Variants in GRIA1 observed in about 807,000 individuals in gnomAD.
The protein encoded by GRIA1 is glutamate receptor 1.
In GRIA1, 31 loss-of-function variants were observed where a neutral mutation model predicts 99.2. The observed-to-expected ratio is 0.31, with a 90% CI of 0.23 to 0.42. GRIA1 has a LOEUF of 0.42. Ranked by LOEUF, GRIA1 falls within the 10% of genes least tolerant of loss-of-function variation. GRIA1 has a pLI of 1.00. For synonymous variants in GRIA1, 438 were observed against 432.4 expected, an observed-to-expected ratio of 1.01 and a Z score of -0.16; for missense variants, 782 against 1,157.5, an observed-to-expected ratio of 0.68 and a Z score of 4.71.
intron 10 of GRIA1, among the ~76,000 whole-genome samples, chr5:153,700,228 T>C (rs1159559961): frequency 1.3e-5 from 2 of 151,930 alleles, no homozygotes; most frequent in East Asian, 3.9e-4. Context: ...CTACCAAAAA[T>C]ACAAAAATTA....
rs113735488 is a variant in GRIA1, at chr5:153,735,969, G to A, written c.1824-28465G>A. On this transcript the variant is annotated intron_variant, in intron 11 of 15. Coordinates refer to ENST00000285900, the MANE Select transcript of GRIA1 (RefSeq NM_000827.4). ...GACATACAAAAGGCAATATGGAACA[G>A]GCTCATGAGTCTGGAGGTGAGGGAG... is the stretch of plus-strand genomic sequence containing the variant. Among the ~76,000 whole-genome samples, 1,082 of 152,294 alleles carry A rather than the reference G, an allele frequency of 7.1e-3. 5 individuals are homozygous for A. The highest frequency in any genetic ancestry group is 9.7e-3 in the Admixed American group (148 of 15,304).
chr5:153,694,216 G>A (rs916081764), intron 8 of GRIA1, among the ~76,000 whole-genome samples: 1 of 151,922 alleles, frequency 6.6e-6, no homozygotes, highest in African/African-American at 2.4e-5. Context: ...TAAAAATTAA[G>A]GTATCTTTCT....
At chr5:153,533,386 G>A (rs1758260150) in intron 2 of GRIA1, among the ~76,000 whole-genome samples, 1 of 151,988 alleles carries the variant, frequency 6.6e-6, no homozygotes, top group Non-Finnish European at 1.5e-5. Flanking sequence ...GGAGGCTTCT[G>A]AGGGACTGAG....
intron 5 of GRIA1, among the ~76,000 whole-genome samples, chr5:153,668,577 C>T (rs1755918666): frequency 6.6e-6 from 1 of 152,102 alleles, no homozygotes; most frequent in African/African-American, 2.4e-5. Context: ...GCTGCAATGG[C>T]AGAGCTGACT....
intron 11 of GRIA1, among the ~76,000 whole-genome samples, chr5:153,762,292 T>C (rs1763237186): frequency 6.6e-6 from 1 of 152,198 alleles, no homozygotes; most frequent in African/African-American, 2.4e-5. Flanking sequence ...TATCTACAAT[T>C]TTTATGTGTC....
At chr5:153,512,199 C>T (rs1756157525) in intron 2 of GRIA1, among the ~76,000 whole-genome samples, 1 of 151,928 alleles carries the variant, frequency 6.6e-6, no homozygotes, top group Admixed American at 6.6e-5. Context: ...TAATTTTGCC[C>T]CAGGCCTTTA....
intron 2 of GRIA1, among the ~76,000 whole-genome samples, chr5:153,541,806 T>C (rs1220020719): frequency 6.6e-6 from 1 of 151,740 alleles, no homozygotes; most frequent in Non-Finnish European, 1.5e-5. Flanking sequence ...GGCCCACACC[T>C]GTAGTCTCAG....
At chr5:153,671,483 G>A (rs977260450) in intron 5 of GRIA1, among the ~76,000 whole-genome samples, 1 of 152,132 alleles carries the variant, frequency 6.6e-6, no homozygotes, top group African/African-American at 2.4e-5. Flanking sequence ...ATGCATATTG[G>A]GTACAGGAAC....
intron 11 of GRIA1, among the ~76,000 whole-genome samples, chr5:153,735,691 G>C (rs1479159819): frequency 6.6e-6 from 1 of 152,254 alleles, no homozygotes; most frequent in Middle Eastern, 3.4e-3. Context: ...TTTGGATGGG[G>C]TGACTGCTGT....
At position 153,773,515 on chromosome 5, in the gene GRIA1, C is replaced by T. The variant is rs116576351; in HGVS notation, c.2270+3100C>T. ...GATAATGGACACTGACTTTAACACACCCAGCACCATTCCTTTGAGGAGTAA... is the reference window on the plus strand; with the variant it reads ...GATAATGGACACTGACTTTAACACATCCAGCACCATTCCTTTGAGGAGTAA... On this transcript the variant is annotated intron_variant, in intron 13 of 15. Coordinates refer to ENST00000285900, the MANE Select transcript of GRIA1 (RefSeq NM_000827.4). 3.7e-3 allele frequency among the ~76,000 whole-genome samples: 568 copies of T among 152,320 alleles called. 3 individuals carry two copies. Among genetic ancestry groups the T allele is most frequent in the African/African-American group, 0.013 (535 of 41,574 alleles).
At chr5:153,635,589 G>A (rs1244186268) in intron 2 of GRIA1, among the ~76,000 whole-genome samples, 1 of 152,126 alleles carries the variant, frequency 6.6e-6, no homozygotes, top group Non-Finnish European at 1.5e-5. Context: ...CTTTACTGTG[G>A]CCCCTGAACC....
At chr5:153,494,239 T>G (rs1472085707) in intron 2 of GRIA1, 174 bp downstream of exon 2, 1 of 624,210 alleles carries the variant, frequency 1.6e-6, no homozygotes, top group Non-Finnish European at 2.8e-6. Flanking sequence ...CAGTTGGCAT[T>G]TTAGCCCCTG....
chr5:153,546,501 T>C (rs1204888989), intron 2 of GRIA1, among the ~76,000 whole-genome samples: 1 of 152,184 alleles, frequency 6.6e-6, no homozygotes, highest in Non-Finnish European at 1.5e-5. Flanking sequence ...TATAATGTAA[T>C]GGTCATTAGC....
At chr5:153,556,633 T>C (rs562624251) in intron 2 of GRIA1, among the ~76,000 whole-genome samples, 5 of 152,272 alleles carry the variant, frequency 3.3e-5, no homozygotes, top group African/African-American at 1.2e-4. Context: ...GTCTCTAGTT[T>C]TCCTATTTTT....
At chr5:153,743,428 G>C (rs567932460) in intron 11 of GRIA1, among the ~76,000 whole-genome samples, 7 of 152,312 alleles carry the variant, frequency 4.6e-5, no homozygotes, top group African/African-American at 1.7e-4. Context: ...CTCCTCTGGA[G>C]CTTGGGGGTT....
At position 153,802,468 on chromosome 5, in the gene GRIA1, G is replaced by A. The variant is rs758170711; in HGVS notation, c.2498G>A (p.Arg833His). Reference protein sequence around the residue: ...VALIEFCYKSRSESKRMKGFC... With the variant: ...VALIEFCYKSHSESKRMKGFC... Reference sequence around the variant, plus strand: ...TTAATCGAGTTCTGCTACAAATCCCGTAGTGAATCCAAGCGGATGAAGGTG... The same window carrying A: ...TTAATCGAGTTCTGCTACAAATCCCATAGTGAATCCAAGCGGATGAAGGTG... The change falls in exon 15 of 16, where the codon CGT becomes CAT. Residue 833 changes from arginine to histidine, a missense_variant. Physicochemically the swap from Arg to His is conservative, Grantham distance 29. This residue lies in a region of GRIA1 where 119 missense variants were observed against 326.6 expected (regional missense o/e 0.36). Transcript: ENST00000285900. The A allele has an allele frequency of 6.2e-6, 10 of 1,613,794 alleles. No individual in the cohort carries two copies. The highest frequency in any genetic ancestry group is 2.7e-5 in the African/African-American group (2 of 74,860).
chr5:153,705,400 G>A (rs1758817816), intron 10 of GRIA1, among the ~76,000 whole-genome samples: 1 of 152,152 alleles, frequency 6.6e-6, no homozygotes, highest in Non-Finnish European at 1.5e-5. Flanking sequence ...TGGGGCTGCT[G>A]AGCAGGCAAA....
At chr5:153,783,780 A>G (rs1764790647) in intron 13 of GRIA1, among the ~76,000 whole-genome samples, 1 of 152,236 alleles carries the variant, frequency 6.6e-6, no homozygotes, top group African/African-American at 2.4e-5. Context: ...GTTCCTGCCA[A>G]TAGAGCTCAG....
intron 1 of GRIA1, among the ~76,000 whole-genome samples, chr5:153,492,549 T>C (rs1236317011): frequency 1.3e-5 from 2 of 152,210 alleles, no homozygotes; most frequent in African/African-American, 4.8e-5. Context: ...GGAGCACTTG[T>C]ACATGTGGAA....
Sources: allele counts gnomAD v4.1 joint callset (sites outside exome capture counted in the v4.1 genomes callset), GRCh38; gene constraint gnomAD v4.1.1; regional missense constraint gnomAD v4.1.1; transcripts MANE v1.5; gene names NCBI Gene and HGNC (gene_info 2026-07-23, HGNC 2026-07-21).